The following SERP2 variants were observed in gnomAD, a reference collection of about 807,000 sequenced individuals.
SERP2 encodes the protein stress-associated endoplasmic reticulum protein 2.
A neutral mutation model predicts 9.1 loss-of-function variants in SERP2; 6 were observed. The ratio of observed to expected loss-of-function variants is 0.66; its 90% CI spans 0.36 to 1.30. The LOEUF (loss-of-function observed/expected upper bound fraction) is 1.30, where lower values mean the gene tolerates loss of function less well. Ranked by LOEUF, SERP2 falls within the 50% of genes most tolerant of loss-of-function variation. The probability of loss-of-function intolerance (pLI) is 0.03; values close to 1 mark genes in which losing one functional copy is unlikely to be tolerated. For missense variants in SERP2, 58 were observed against 81.9 expected, an observed-to-expected ratio of 0.71 and a Z score of 1.13; for synonymous variants, 37 against 27.3, an observed-to-expected ratio of 1.35 and a Z score of -1.10.
intron 2 of SERP2, among the ~76,000 whole-genome samples, chr13:44,391,698 A>G (rs1310500330): frequency 6.6e-6 from 1 of 152,178 alleles, no homozygotes; most frequent in African/African-American, 2.4e-5. Flanking sequence ...TTAGAAACAC[A>G]GATTCTCCAT....
chr13:44,389,886 C>G (rs1872533117), intron 2 of SERP2, among the ~76,000 whole-genome samples: 1 of 152,208 alleles, frequency 6.6e-6, no homozygotes, highest in Admixed American at 6.5e-5. Flanking sequence ...ACACATACAT[C>G]TCCTCCTCTG....
intron 2 of SERP2, among the ~76,000 whole-genome samples, chr13:44,385,424 C>A (rs1032902652): frequency 1.3e-5 from 2 of 152,232 alleles, no homozygotes; most frequent in African/African-American, 4.8e-5. Flanking sequence ...CCGGGGCTGC[C>A]CCACGCCCCC....
At chr13:44,376,880 T>G (rs1871687439) in intron 1 of SERP2, among the ~76,000 whole-genome samples, 1 of 152,224 alleles carries the variant, frequency 6.6e-6, no homozygotes, top group African/African-American at 2.4e-5. Context: ...TGAGTTACCC[T>G]ACGGGTATCT....
intron 2 of SERP2, 142 bp downstream of exon 2, chr13:44,379,855 G>C: frequency 1.7e-6 from 1 of 581,178 alleles, no homozygotes; most frequent in East Asian, 2.8e-5. Flanking sequence ...AATCTTAATG[G>C]GTTTTGATTT....
At position 44,373,984 on chromosome 13, in the gene SERP2, G is replaced by C. The variant is rs758754696; in HGVS notation, c.-42G>C. 7 of 1,547,624 alleles carry C rather than the reference G, an allele frequency of 4.5e-6. No homozygotes were observed. The South Asian group carries it at 7.0e-5, about 15-fold the overall frequency. On this transcript the variant is annotated 5_prime_UTR_variant, in exon 1 of 3. Coordinates refer to ENST00000379179, the MANE Select transcript of SERP2 (RefSeq NM_001010897.3). This position sits in a 1 kb window ranked among gnomAD's most constrained non-coding sequence, Gnocchi z 4.8. ...GGCCCTGTCGCAGGAGCTAACGCAG[G>C]GGGAATCCTTGCAGGTGGGAGCATT...
intron 2 of SERP2, chr13:44,395,993 C>T (rs1365451196): frequency 9.4e-6 from 3 of 317,844 alleles, no homozygotes; most frequent in East Asian, 8.4e-5. Context: ...GATCACAGCA[C>T]GTCTCATCAG....
chr13:44,381,026 C>A (rs2138782003), intron 2 of SERP2, among the ~76,000 whole-genome samples: 1 of 152,262 alleles, frequency 6.6e-6, no homozygotes, highest in South Asian at 2.1e-4. Flanking sequence ...AATCTCTCGA[C>A]CTTGCCTCAT....
chr13:44,391,494 G>A (rs1238497544), intron 2 of SERP2, among the ~76,000 whole-genome samples: 1 of 152,092 alleles, frequency 6.6e-6, no homozygotes, highest in Non-Finnish European at 1.5e-5. Context: ...AAAGAAAGAT[G>A]AGTTAATCAA....
At chr13:44,391,366 G>A (rs1479127156) in intron 2 of SERP2, among the ~76,000 whole-genome samples, 1 of 152,216 alleles carries the variant, frequency 6.6e-6, no homozygotes, top group East Asian at 1.9e-4. Context: ...TTTTTAAAAT[G>A]TAATTTCCTC....
intron 1 of SERP2, among the ~76,000 whole-genome samples, chr13:44,378,363 C>A (rs1871779623): frequency 1.3e-5 from 2 of 152,190 alleles, no homozygotes; most frequent in African/African-American, 4.8e-5. Context: ...GATAGCACCA[C>A]TCGTTTTTTT....
At chr13:44,395,526 C>A (rs1223974871) in intron 2 of SERP2, among the ~76,000 whole-genome samples, 1 of 150,594 alleles carries the variant, frequency 6.6e-6, no homozygotes, top group Non-Finnish European at 1.5e-5. Flanking sequence ...ATGGCGTGAA[C>A]CGGGGAGGCG....
upstream of SERP2, chr13:44,373,773 G>A (rs1362801623): frequency 4.4e-6 from 2 of 450,270 alleles, no homozygotes; most frequent in Non-Finnish European, 3.9e-6. The surrounding 1 kb of genome is among the most constrained non-coding windows in gnomAD (Gnocchi z 4.8). Flanking sequence ...TGGCTGCGGG[G>A]ACCGGAAGGA....
At chr13:44,396,280 G>C (rs1047610278) in intron 2 of SERP2, among the ~76,000 whole-genome samples, 2 of 151,980 alleles carry the variant, frequency 1.3e-5, no homozygotes, top group African/African-American at 4.8e-5. Flanking sequence ...TTGAATGGCT[G>C]GTTTCCTAGG....
chr13:44,377,356 A>G (rs1387705356), intron 1 of SERP2, among the ~76,000 whole-genome samples: 1 of 152,234 alleles, frequency 6.6e-6, no homozygotes, highest in Non-Finnish European at 1.5e-5. Context: ...GCACAACAGC[A>G]ACAGAACTGG....
intron 2 of SERP2, among the ~76,000 whole-genome samples, chr13:44,388,681 G>A (rs984583065): frequency 9.2e-5 from 14 of 152,188 alleles, no homozygotes; most frequent in African/African-American, 2.7e-4. Context: ...GCGGGTTGCG[G>A]GAGGGGAGTG....
intron 2 of SERP2, among the ~76,000 whole-genome samples, chr13:44,389,239 A>G (rs1363555975): frequency 6.6e-6 from 1 of 152,206 alleles, no homozygotes; most frequent in African/African-American, 2.4e-5. Context: ...ATGGTTGCTA[A>G]GAGCTACAAC....
At chr13:44,390,654 T>A (rs1872682988) in intron 2 of SERP2, 1 of 197,712 alleles carries the variant, frequency 5.1e-6, no homozygotes, top group Admixed American at 5.8e-5. Context: ...CATCTTTCTG[T>A]TATTTTAATG....
intron 2 of SERP2, among the ~76,000 whole-genome samples, chr13:44,391,453 G>A (rs143905225): frequency 2.5e-3 from 386 of 152,234 alleles, no homozygotes; most frequent in Non-Finnish European, 4.4e-3. Context: ...ATACCTGGTC[G>A]CTGTTATCCT....
At chr13:44,376,219 A>G (rs2138776486) in intron 1 of SERP2, among the ~76,000 whole-genome samples, 1 of 152,348 alleles carries the variant, frequency 6.6e-6, no homozygotes, top group East Asian at 1.9e-4. Flanking sequence ...TTTTCTTTCA[A>G]AGAGAAACTT....
Sources: allele counts gnomAD v4.1 joint callset (sites outside exome capture counted in the v4.1 genomes callset), GRCh38; gene constraint gnomAD v4.1.1; non-coding constraint Gnocchi (gnomAD v3.1); transcripts MANE v1.5; gene names NCBI Gene and HGNC (gene_info 2026-07-23, HGNC 2026-07-21).